Variants in OARD1 observed in about 807,000 individuals in gnomAD.
OARD1 encodes the protein O-acyl-ADP-ribose deacylase 1.
A neutral mutation model predicts 19.7 loss-of-function variants in OARD1; 19 were observed. That is an observed-to-expected ratio of 0.96 (90% CI 0.67 to 1.41). OARD1 has a LOEUF of 1.41. Among genes scored for constraint, OARD1 ranks in the 40% most tolerant of loss-of-function variants. The pLI is 0.00. For synonymous variants in OARD1, 70 were observed against 61.8 expected (o/e 1.13, Z -0.62); for missense variants, 190 against 183.8 (o/e 1.03, Z -0.20).
chr6:41,075,101 CATTT>C (rs1763697547), upstream of OARD1, among the ~76,000 whole-genome samples: 1 of 152,134 alleles, frequency 6.6e-6, no homozygotes, highest in Non-Finnish European at 1.5e-5. Flanking sequence ...TTTCTTAATT[CATTT>C]GATTGTCACG....
upstream of OARD1, chr6:41,073,229 G>T (rs1763578780): frequency 6.6e-6 from 1 of 151,450 alleles, no homozygotes; most frequent in Non-Finnish European, 1.5e-5. Flanking sequence ...GCGGCCAGCG[G>T]CCCCGGCCCG....
chr6:41,089,784 T>C, intron 1 of OARD1: 2 of 1,532,038 alleles, frequency 1.3e-6, no homozygotes, highest in Non-Finnish European at 1.8e-6. Context: ...AGATATTTCA[T>C]GTATAGCATG....
intron 1 of OARD1, chr6:41,079,036 C>T: frequency 6.5e-7 from 1 of 1,547,964 alleles, no homozygotes; most frequent in Non-Finnish European, 8.9e-7. Context: ...CAGGAGTGTA[C>T]CTCACAGCCT....
At chr6:41,087,434 T>G (rs1227390326) in intron 1 of OARD1, among the ~76,000 whole-genome samples, 3 of 152,180 alleles carry the variant, frequency 2.0e-5, no homozygotes, top group Non-Finnish European at 4.4e-5. Flanking sequence ...ATGTTCTTCT[T>G]TCCAGACCAA....
At chr6:41,097,462 G>A (rs374172740) in intron 1 of OARD1, 58 of 1,578,940 alleles carry the variant, frequency 3.7e-5, no homozygotes, top group Middle Eastern at 3.3e-4. Context: ...ACTGTTCCAG[G>A]AAATTGATCA....
upstream of OARD1, among the ~76,000 whole-genome samples, chr6:41,073,889 A>ACCG (rs1763639223): frequency 6.6e-6 from 1 of 151,634 alleles, no homozygotes; most frequent in African/African-American, 2.4e-5. Flanking sequence ...CAGTGGCAGG[A>ACCG]CCGCACACCT....
chr6:41,084,892 C>T (rs754158191), intron 1 of OARD1, among the ~76,000 whole-genome samples: 8 of 152,066 alleles, frequency 5.3e-5, no homozygotes, highest in Non-Finnish European at 7.4e-5. Flanking sequence ...ACCCAGGAGG[C>T]GGAGGTTGCA....
intron 1 of OARD1, among the ~76,000 whole-genome samples, chr6:41,086,442 G>A (rs1764045832): frequency 6.6e-6 from 1 of 152,096 alleles, no homozygotes; most frequent in Non-Finnish European, 1.5e-5. Flanking sequence ...AATATATTCT[G>A]TTACGTAAAT....
chr6:41,080,141 T>C (rs1055957559), intron 1 of OARD1, among the ~76,000 whole-genome samples: 12 of 152,162 alleles, frequency 7.9e-5, no homozygotes, highest in African/African-American at 2.7e-4. Context: ...AGCAGTCCAG[T>C]TGGGTAGAAA....
At chr6:41,080,884 A>G in intron 1 of OARD1, 2 of 1,613,872 alleles carry the variant, frequency 1.2e-6, no homozygotes, top group East Asian at 4.5e-5. Flanking sequence ...CAGCAAGTCC[A>G]GACCCTCCAG....
chr6:41,072,030 G>C (rs1370176447), intron 1 of OARD1, among the ~76,000 whole-genome samples: 1 of 152,254 alleles, frequency 6.6e-6, no homozygotes, highest in Admixed American at 6.5e-5. Context: ...TATTTCCCCA[G>C]TGGGTCTGGC....
intron 1 of OARD1, among the ~76,000 whole-genome samples, chr6:41,095,241 C>T (rs1404856328): frequency 6.6e-6 from 1 of 152,188 alleles, no homozygotes; most frequent in Non-Finnish European, 1.5e-5. Context: ...GCCTTACATG[C>T]TCCAGCTCCT....
At chr6:41,097,036 A>G (rs1299861744) in intron 1 of OARD1, among the ~76,000 whole-genome samples, 1 of 152,224 alleles carries the variant, frequency 6.6e-6, no homozygotes, top group African/African-American at 2.4e-5. Context: ...TTTTCCTTAG[A>G]CACCTGAATC....
At chr6:41,096,748 T>C (rs893920470) in intron 1 of OARD1, among the ~76,000 whole-genome samples, 11 of 152,138 alleles carry the variant, frequency 7.2e-5, no homozygotes, top group African/African-American at 2.7e-4. Context: ...ACACGGTAGG[T>C]CTTAAGTGAG....
At chr6:41,085,921 G>C (rs564145130) in intron 1 of OARD1, among the ~76,000 whole-genome samples, 1 of 152,188 alleles carries the variant, frequency 6.6e-6, no homozygotes, top group Admixed American at 6.5e-5. Flanking sequence ...CTTTGGATTG[G>C]GGATTGCTTG....
chr6:41,070,112 A>C lies in OARD1; in HGVS notation c.207T>G (p.Ala69=), dbSNP rs751145617. 3.1e-6 allele frequency: 5 copies of C among 1,588,498 alleles called. No individual in the cohort carries two copies. Among genetic ancestry groups the C allele is most frequent in the East Asian group, 2.2e-5 (1 of 44,762 alleles). ...LNQQKKSGEV[A]VLKRDGRYIY... ...TATATCGCCCATCTCTCTTCAGAAC[A>C]GCCACTTCTCCAGATTTCTTTTCTA... Residue 69 remains alanine, a synonymous_variant, in exon 4 of 6, where the codon GCT becomes GCG. Coordinates refer to ENST00000424266, the MANE Select transcript of OARD1 (RefSeq NM_001329686.2).
At chr6:41,067,746 A>G (rs1485604659) in intron 5 of OARD1, among the ~76,000 whole-genome samples, 19 of 152,224 alleles carry the variant, frequency 1.2e-4, no homozygotes, top group Admixed American at 1.2e-3. Context: ...CTCTATGACT[A>G]CTGACTAAAA....
chr6:41,080,676 CAATA>C, intron 1 of OARD1: 1 of 617,794 alleles, frequency 1.6e-6, no homozygotes, highest in Non-Finnish European at 2.8e-6. Flanking sequence ...AAAACAGCTT[CAATA>C]TAGGGAGTCT....
upstream of OARD1, among the ~76,000 whole-genome samples, chr6:41,076,891 TATC>T (rs1287075101): frequency 2.0e-5 from 3 of 152,192 alleles, no homozygotes; most frequent in Admixed American, 6.5e-5. Context: ...ACAGTATCAA[TATC>T]ATGATACAGG....
Sources: gnomAD v4.1 joint callset for allele counts (sites outside exome capture counted in the v4.1 genomes callset) on GRCh38, gnomAD v4.1.1 for gene constraint, MANE v1.5 for transcripts, NCBI Gene and HGNC (gene_info 2026-07-23, HGNC 2026-07-21) for gene names.